FXYD7: variants seen among roughly 807,000 people sequenced by gnomAD.
FXYD7 encodes FXYD domain containing ion transport regulator 7, also known as FXYD domain-containing ion transport regulator 7.
FXYD7 carries 7 observed loss-of-function variants against 15.3 expected under a neutral mutation model. That is an observed-to-expected ratio of 0.46 (90% CI 0.26 to 0.86). The LOEUF is 0.86. FXYD7 is among the 40% of genes least tolerant of loss of function. The pLI, the probability that FXYD7 is intolerant of heterozygous loss-of-function variation, is 0.16. For missense variants in FXYD7, 78 were observed against 100.6 expected (o/e 0.78, Z 0.96); for synonymous variants, 39 against 39.3 (o/e 0.99, Z 0.03).
intron 1 of FXYD7, among the ~76,000 whole-genome samples, chr19:35,145,316 C>T (rs910259026): frequency 6.6e-6 from 1 of 152,256 alleles, no homozygotes; most frequent in African/African-American, 2.4e-5. Context: ...TGGCCCCACC[C>T]TTAGCCCAGC....
At chr19:35,149,698 G>A (rs1568406398) in intron 2 of FXYD7, 1 of 152,352 alleles carries the variant, frequency 6.6e-6, no homozygotes, top group South Asian at 2.1e-4. Context: ...ACACAGACAA[G>A]AATTCAAGAA....
intron 5 of FXYD7, among the ~76,000 whole-genome samples, chr19:35,153,162 C>T (rs923729698): frequency 6.7e-6 from 1 of 148,578 alleles, no homozygotes; most frequent in African/African-American, 2.5e-5. Context: ...TGGGTTCAAG[C>T]GATTCTCCTG....
intron 2 of FXYD7, 181 bp downstream of exon 2, chr19:35,148,904 G>A (rs748691935): frequency 1.4e-6 from 1 of 735,968 alleles, no homozygotes; most frequent in South Asian, 1.4e-5. Context: ...AGATGGGGGA[G>A]TGGGGATGCC....
intron 2 of FXYD7, 63 bp downstream of exon 2, chr19:35,148,786 T>A: frequency 7.1e-7 from 1 of 1,413,014 alleles, no homozygotes; most frequent in Non-Finnish European, 1.0e-6. Flanking sequence ...CACAGATCAC[T>A]CCGGACATGG....
chr19:35,144,563 G>A (rs1476921653), intron 1 of FXYD7, among the ~76,000 whole-genome samples: 7 of 151,870 alleles, frequency 4.6e-5, no homozygotes, highest in Non-Finnish European at 1.0e-4. Context: ...ATTCCACTTG[G>A]ATGGCTCCCT....
intron 1 of FXYD7, among the ~76,000 whole-genome samples, chr19:35,148,094 A>AGAAAGAAAGAAG: frequency 7.8e-6 from 1 of 128,934 alleles, no homozygotes; most frequent in Non-Finnish European, 1.6e-5. Flanking sequence ...AAAGAAAGAA[A>AGAAAGAAAGAAG]GAGAGAGAGA....
rs532550827 is a variant in FXYD7 at position 35,148,815 on chromosome 19, G to A, written c.61+92G>A. 2.2e-5 allele frequency: 25 copies of A among 1,144,734 alleles called. No homozygotes were observed. The African/African-American group carries it at 3.5e-4, about 16-fold the overall frequency. 70.9% of individuals were successfully genotyped at this position (1,144,734 alleles called of 1,614,324 possible). On this transcript the variant is annotated intron_variant, in intron 2 of 5. Transcript: ENST00000270310. ...GACATGGCTTCAGCTGTGGCCACACGATACGTGCTGGGCCACTGGCCACGG... is the reference window on the plus strand; with the variant it reads ...GACATGGCTTCAGCTGTGGCCACACAATACGTGCTGGGCCACTGGCCACGG...
rs1438163549 is a variant in FXYD7 at position 35,143,580 on chromosome 19, G to A, written c.31+216G>A. ...CCGGCAGGCGTCCTGTGCCAGACCT[G>A]CGGTTGGAGAGTGGCAGTCCCGGGA... On this transcript the variant is annotated intron_variant, in intron 1 of 5. Transcript: ENST00000270310. This position sits in a 1 kb window ranked among gnomAD's most constrained non-coding sequence, Gnocchi z 4.3. Among the ~76,000 whole-genome samples the A allele has an allele frequency of 6.6e-6, 1 of 152,228 alleles. No homozygotes were observed. Among genetic ancestry groups the A allele is most frequent in the Non-Finnish European group, 1.5e-5 (1 of 68,032 alleles).
intron 5 of FXYD7, among the ~76,000 whole-genome samples, chr19:35,152,196 G>T: frequency 7.2e-6 from 1 of 138,490 alleles, no homozygotes; most frequent in African/African-American, 2.6e-5. Context: ...GGGAGGGAGG[G>T]AAAAGAAAGA....
rs2065327012 is a variant in FXYD7 at position 35,153,884 on chromosome 19, C to T, written c.221-10C>T. The T allele has an allele frequency of 6.2e-7, 1 of 1,612,718 alleles. No individual in the cohort carries two copies. The highest frequency in any genetic ancestry group is 1.1e-5 in the South Asian group (1 of 91,036). ...CTTTCTAGTGGCTCACGCACCCCCT[C>T]TCTCCCCAGCCCCTGGTGGCGGCGG... On this transcript the variant is annotated splice_polypyrimidine_tract_variant and intron_variant, in intron 5 of 5. Transcript: ENST00000270310.
At chr19:35,150,420 T>C (rs1381508108) in intron 2 of FXYD7, among the ~76,000 whole-genome samples, 1 of 151,936 alleles carries the variant, frequency 6.6e-6, no homozygotes, top group Non-Finnish European at 1.5e-5. Flanking sequence ...ACAAGAATAT[T>C]ATGAGGCAAG....
At chr19:35,144,644 G>T (rs2065282215) in intron 1 of FXYD7, among the ~76,000 whole-genome samples, 1 of 148,446 alleles carries the variant, frequency 6.7e-6, no homozygotes, top group Non-Finnish European at 1.5e-5. Context: ...AGCAGGGCGG[G>T]GGGTGGGGGG....
chr19:35,152,602 A>G lies in FXYD7; in HGVS notation c.220+929A>G, dbSNP rs566488170. Among the ~76,000 whole-genome samples, 30 of 152,110 alleles carry G rather than the reference A, an allele frequency of 2.0e-4. No individual in the cohort carries two copies. In the South Asian group the frequency reaches 6.2e-3, roughly 32 times the overall value. ...TGGGATGCAGGGAATGTGAGGATGG[A>G]GAAGAAAGCTGGGAAGAACAGGAGG... On this transcript the variant is annotated intron_variant, in intron 5 of 5. Transcript: ENST00000270310.
intron 2 of FXYD7, chr19:35,149,548 T>C (rs940746266): frequency 1.2e-5 from 2 of 165,614 alleles, no homozygotes; most frequent in African/African-American, 4.8e-5. Flanking sequence ...AATACGAAAG[T>C]CAACTCCTTG....
At chr19:35,145,020 T>C (rs1330952238) in intron 1 of FXYD7, among the ~76,000 whole-genome samples, 4 of 152,080 alleles carry the variant, frequency 2.6e-5, no homozygotes, top group Admixed American at 2.6e-4. Flanking sequence ...GAGGGATGCA[T>C]GAGCACAGCT....
intron 5 of FXYD7, 103 bp downstream of exon 5, chr19:35,151,776 A>C: frequency 3.1e-5 from 14 of 452,928 alleles, no homozygotes; most frequent in East Asian, 5.5e-5. Context: ...CAGGGGGCGG[A>C]GGGGGGGTGG....
chr19:35,149,378 G>A lies in FXYD7; in HGVS notation c.61+655G>A, dbSNP rs184883053. The A allele has an allele frequency of 1.0e-4, 28 of 275,788 alleles. 1 individual carries two copies. The East Asian group carries it at 2.1e-3, about 21-fold the overall frequency. The allele number at this position is 275,788 out of a possible 1,614,324, so 17.1% of individuals were successfully genotyped here. A position where few individuals can be genotyped will look rare whatever the true frequency, so the allele number is the denominator to read the frequency against. On this transcript the variant is annotated intron_variant, in intron 2 of 5. Coordinates refer to ENST00000270310, the MANE Select transcript of FXYD7 (RefSeq NM_022006.2). ...GCAGTAATGCTTCTCCTTTGTACAC[G>A]ACCGGCTAAGGCTCCCCCTTATTCA...
intron 2 of FXYD7, among the ~76,000 whole-genome samples, chr19:35,149,940 A>G (rs1475666376): frequency 1.3e-5 from 2 of 151,918 alleles, no homozygotes; most frequent in African/African-American, 4.8e-5. Context: ...TTTTTTAGAC[A>G]AAGTCTGACT....
At chr19:35,146,786 G>C (rs2065290207) in intron 1 of FXYD7, among the ~76,000 whole-genome samples, 1 of 152,204 alleles carries the variant, frequency 6.6e-6, no homozygotes, top group Non-Finnish European at 1.5e-5. Context: ...ACAAGGGTTG[G>C]AAGGTGGTAA....
Sources: gnomAD v4.1 joint callset for allele counts (sites outside exome capture counted in the v4.1 genomes callset) on GRCh38, gnomAD v4.1.1 for gene constraint, Gnocchi (gnomAD v3.1) non-coding constraint, MANE v1.5 for transcripts, NCBI Gene and HGNC (gene_info 2026-07-23, HGNC 2026-07-21) for gene names.